The following CADPS2 variants were observed in gnomAD, a reference collection of about 807,000 sequenced individuals.
CADPS2 encodes calcium-dependent secretion activator 2.
Under a neutral mutation model 172.5 loss-of-function variants are expected in CADPS2, and 93 were observed. The ratio of observed to expected loss-of-function variants is 0.54; its 90% confidence interval spans 0.46 to 0.64. The LOEUF is 0.64. Among genes scored for constraint, CADPS2 ranks in the 30% least tolerant of loss-of-function variants. CADPS2 has a pLI of 0.00. For synonymous variants in CADPS2, 546 were observed against 555.2 expected (o/e 0.98, Z 0.23); for missense variants, 1,420 against 1,565.9 (o/e 0.91, Z 1.57).
chr7:122,494,303 C>T (rs1586613205), intron 9 of CADPS2, among the ~76,000 whole-genome samples: 1 of 152,262 alleles, frequency 6.6e-6, no homozygotes, highest in African/African-American at 2.4e-5. Flanking sequence ...AGGAACGTAT[C>T]TCAAGGAAAC....
At chr7:122,545,279 T>G (rs897568266) in intron 8 of CADPS2, among the ~76,000 whole-genome samples, 1 of 152,246 alleles carries the variant, frequency 6.6e-6, no homozygotes, top group East Asian at 1.9e-4. Flanking sequence ...GAGGAAACAT[T>G]AGTTACACAG....
chr7:122,686,885 A>G (rs998840789), intron 2 of CADPS2, among the ~76,000 whole-genome samples: 27 of 152,078 alleles, frequency 1.8e-4, no homozygotes, highest in African/African-American at 6.5e-4. Context: ...GGGTTTTACC[A>G]TGTTGGCCAG....
intron 28 of CADPS2, among the ~76,000 whole-genome samples, chr7:122,344,978 C>T (rs1193485950): frequency 6.6e-6 from 1 of 152,052 alleles, no homozygotes; most frequent in Non-Finnish European, 1.5e-5. Flanking sequence ...TTATAATGAA[C>T]TGATGGCAAG....
intron 3 of CADPS2, among the ~76,000 whole-genome samples, chr7:122,653,740 A>G (rs552477118): frequency 2.0e-4 from 30 of 152,126 alleles, no homozygotes; most frequent in Non-Finnish European, 3.1e-4. Flanking sequence ...CATTGTTATT[A>G]TATCTGTTAA....
In CADPS2 at chr7:122,608,058, A is replaced by T. The variant is rs554450626; in HGVS notation, c.1223+7123T>A. 1.4e-4 allele frequency among the ~76,000 whole-genome samples: 21 copies of T among 152,110 alleles called. No individual in the cohort carries two copies. In the South Asian group the frequency reaches 3.7e-3, roughly 27 times the overall value. ...ACAGTGAAACCCTGACTCTACTAAA[A>T]CTACAAAAATTAGCTGGGTGTGGTG... is the stretch of plus-strand genomic sequence containing the variant. On this transcript the variant is annotated intron_variant, in intron 6 of 29. Coordinates refer to ENST00000449022, the MANE Select transcript of CADPS2 (RefSeq NM_017954.11).
chr7:122,618,898 G>A (rs2075270067), intron 5 of CADPS2, among the ~76,000 whole-genome samples: 1 of 152,120 alleles, frequency 6.6e-6, no homozygotes, highest in South Asian at 2.1e-4. Context: ...AAATACTGTG[G>A]ACATTGAGAA....
At chr7:122,643,826 T>C (rs1319847579) in intron 3 of CADPS2, among the ~76,000 whole-genome samples, 1 of 152,038 alleles carries the variant, frequency 6.6e-6, no homozygotes, top group Non-Finnish European at 1.5e-5. Context: ...CACGGTAGCT[T>C]ATGCCTATAA....
intron 1 of CADPS2, among the ~76,000 whole-genome samples, chr7:122,857,769 T>C (rs1815718990): frequency 6.6e-6 from 1 of 152,222 alleles, no homozygotes; most frequent in South Asian, 2.1e-4. Context: ...GGTGGGTTCG[T>C]GGTCTCGCTG....
chr7:122,334,108 G>A (rs1243618107), intron 28 of CADPS2, among the ~76,000 whole-genome samples: 3 of 152,130 alleles, frequency 2.0e-5, no homozygotes, highest in Non-Finnish European at 4.4e-5. Flanking sequence ...GGCTTAAAAT[G>A]TGACAGTCTA....
chr7:122,661,769 G>A (rs182294841), intron 3 of CADPS2, among the ~76,000 whole-genome samples: 1 of 152,236 alleles, frequency 6.6e-6, no homozygotes, highest in Admixed American at 6.5e-5. Context: ...TACCTACAGA[G>A]GTTTTGGACT....
intron 2 of CADPS2, among the ~76,000 whole-genome samples, chr7:122,667,734 G>A (rs1383162865): frequency 6.6e-6 from 1 of 152,120 alleles, no homozygotes; most frequent in Non-Finnish European, 1.5e-5. Context: ...GCACAGGGCA[G>A]AGACAAGGGA....
intron 18 of CADPS2, 75 bp downstream of exon 18, chr7:122,415,986 C>A: frequency 2.4e-6 from 2 of 848,976 alleles, no homozygotes; most frequent in Non-Finnish European, 3.5e-6. Context: ...ATGGGCAGGC[C>A]ACTTATTCAG....
chr7:122,431,817 C>T (rs778048755), intron 17 of CADPS2, among the ~76,000 whole-genome samples: 5 of 149,704 alleles, frequency 3.3e-5, no homozygotes, highest in African/African-American at 7.4e-5. Context: ...GGTGAAACCC[C>T]GGCTCTACTA....
chr7:122,665,769 A>T (rs938097284), intron 2 of CADPS2, among the ~76,000 whole-genome samples: 5 of 152,200 alleles, frequency 3.3e-5, no homozygotes, highest in African/African-American at 1.2e-4. Flanking sequence ...TGAGTCAGGG[A>T]TCCTCTGCAT....
chr7:122,538,327 T>TG (rs1429097196), intron 8 of CADPS2, among the ~76,000 whole-genome samples: 1 of 146,554 alleles, frequency 6.8e-6, no homozygotes, highest in Non-Finnish European at 1.5e-5. Flanking sequence ...TGGAGGTGAA[T>TG]ATAAACACAC....
intron 14 of CADPS2, among the ~76,000 whole-genome samples, chr7:122,461,030 T>C (rs1223756010): frequency 6.6e-6 from 1 of 152,222 alleles, no homozygotes; most frequent in Non-Finnish European, 1.5e-5. Flanking sequence ...CGGAGTTGTA[T>C]AGTTGTAACA....
At chr7:122,657,075 C>T (rs1235155337) in intron 3 of CADPS2, among the ~76,000 whole-genome samples, 2 of 152,102 alleles carry the variant, frequency 1.3e-5, no homozygotes, top group East Asian at 3.9e-4. Context: ...AATCCTTTCC[C>T]CATTTCTTGT....
intron 2 of CADPS2, among the ~76,000 whole-genome samples, chr7:122,723,046 C>T (rs1453467011): frequency 6.6e-6 from 1 of 152,058 alleles, no homozygotes; most frequent in Non-Finnish European, 1.5e-5. Context: ...GGATTAAAGA[C>T]TTAAATGTTA....
At chr7:122,408,011 ATAATT>A (rs1382292922) in intron 19 of CADPS2, among the ~76,000 whole-genome samples, 2 of 152,142 alleles carry the variant, frequency 1.3e-5, no homozygotes, top group African/African-American at 4.8e-5. Context: ...TTTGTATCTC[ATAATT>A]TAAACAAGTC....
Sources: allele counts gnomAD v4.1 joint callset (sites outside exome capture counted in the v4.1 genomes callset), GRCh38; gene constraint gnomAD v4.1.1; transcripts MANE v1.5; gene names NCBI Gene and HGNC (gene_info 2026-07-23, HGNC 2026-07-21).